EDIL3: variants seen among roughly 807,000 people sequenced by gnomAD.
The protein encoded by EDIL3 is EGF like and discoidin domains 3, also known as EGF-like repeat and discoidin I-like domain-containing protein 3.
In EDIL3, 37 loss-of-function variants were observed where a neutral mutation model predicts 67.4. The ratio of observed to expected loss-of-function variants is 0.55; its 90% CI spans 0.42 to 0.72. The LOEUF (loss-of-function observed/expected upper bound fraction) is 0.72. Ranked by LOEUF, EDIL3 falls within the 30% of genes least tolerant of loss-of-function variation. The pLI, the probability that EDIL3 is intolerant of heterozygous loss-of-function variation, is 0.00. For synonymous variants in EDIL3, 195 were observed against 196.3 expected (o/e 0.99, Z 0.05); for missense variants, 527 against 586.3 (o/e 0.90, Z 1.04).
intron 1 of EDIL3, among the ~76,000 whole-genome samples, chr5:84,371,848 AAAACAATAAATT>A (rs1390647966): frequency 2.6e-5 from 4 of 152,050 alleles, no homozygotes; most frequent in African/African-American, 9.7e-5. Flanking sequence ...ATTAACTAGC[AAAACAATAAATT>A]AAACAATAAA....
chr5:84,092,181 T>A (rs1747179618), intron 6 of EDIL3, among the ~76,000 whole-genome samples: 1 of 152,196 alleles, frequency 6.6e-6, no homozygotes, highest in Non-Finnish European at 1.5e-5. Flanking sequence ...AACCAGAGGT[T>A]CTCAATTTTG....
chr5:84,169,579 T>C (rs1441037819), intron 4 of EDIL3, among the ~76,000 whole-genome samples: 1 of 151,394 alleles, frequency 6.6e-6, no homozygotes, highest in Non-Finnish European at 1.5e-5. Context: ...ACCACTAATC[T>C]ATCCTCCATT....
chr5:84,306,556 A>C, intron 1 of EDIL3, among the ~76,000 whole-genome samples: 1 of 152,230 alleles, frequency 6.6e-6, no homozygotes, highest in Non-Finnish European at 1.5e-5. Context: ...TTTCTTGACC[A>C]ATACTGTTCA....
intron 1 of EDIL3, among the ~76,000 whole-genome samples, chr5:84,285,514 T>C (rs1171447040): frequency 6.6e-6 from 1 of 152,180 alleles, no homozygotes; most frequent in Non-Finnish European, 1.5e-5. Context: ...ATAATAGCAA[T>C]AGATATGCAA....
At chr5:84,245,340 A>G (rs969941460) in intron 2 of EDIL3, among the ~76,000 whole-genome samples, 1 of 152,188 alleles carries the variant, frequency 6.6e-6, no homozygotes, top group African/African-American at 2.4e-5. Context: ...TACAAATCAA[A>G]TAACTCCAAA....
intron 9 of EDIL3, among the ~76,000 whole-genome samples, chr5:84,057,591 C>G (rs1746471842): frequency 6.6e-6 from 1 of 151,940 alleles, no homozygotes; most frequent in Non-Finnish European, 1.5e-5. Flanking sequence ...CTGAAAACTT[C>G]AATGATGGCT....
At chr5:83,966,489 A>G (rs1744693667) in intron 9 of EDIL3, among the ~76,000 whole-genome samples, 1 of 152,050 alleles carries the variant, frequency 6.6e-6, no homozygotes, top group Admixed American at 6.6e-5. Flanking sequence ...TCAATGTGGT[A>G]TCCATCAATT....
chr5:84,075,890 GCACACA>G lies in EDIL3; in HGVS notation c.652-9290_652-9285del, dbSNP rs10530772. Among the ~76,000 whole-genome samples the G allele has an allele frequency of 8.3e-3, 1,208 of 144,944 alleles. 15 individuals carry two copies. Among genetic ancestry groups the G allele is most frequent in the African/African-American group, 0.026 (1,028 of 39,528 alleles). On this transcript the variant is annotated intron_variant, in intron 6 of 10. Transcript: ENST00000296591. ...TACAAACACGTGCAAAAGTGTGCAC[GCACACA>G]CACACACACACACACACACACAGAC... is the stretch of plus-strand genomic sequence containing the variant.
intron 9 of EDIL3, among the ~76,000 whole-genome samples, chr5:83,990,468 C>T (rs1359083000): frequency 1.4e-5 from 2 of 138,998 alleles, no homozygotes; most frequent in Admixed American, 7.5e-5. Flanking sequence ...GTCTGCCGAC[C>T]GAGTGAGACT....
intron 1 of EDIL3, among the ~76,000 whole-genome samples, chr5:84,300,556 A>G (rs554578232): frequency 1.3e-5 from 2 of 152,212 alleles, no homozygotes; most frequent in Non-Finnish European, 2.9e-5. Flanking sequence ...GATATGTTAT[A>G]TTCTCTGAAA....
intron 2 of EDIL3, among the ~76,000 whole-genome samples, chr5:84,247,744 C>T (rs919076223): frequency 5.3e-5 from 8 of 151,620 alleles, no homozygotes; most frequent in Admixed American, 4.6e-4. Flanking sequence ...ATAACTTTTC[C>T]TGAATATATA....
chr5:84,143,372 T>C (rs983224801), intron 4 of EDIL3, among the ~76,000 whole-genome samples: 2 of 152,090 alleles, frequency 1.3e-5, no homozygotes, highest in Admixed American at 6.6e-5. Flanking sequence ...CCTTTTATAA[T>C]AATTTATTGA....
intron 1 of EDIL3, among the ~76,000 whole-genome samples, chr5:84,340,534 C>CTCTCTCTCTCCATATATA (rs1432966515): frequency 1.8e-5 from 1 of 54,196 alleles, no homozygotes; most frequent in East Asian, 6.9e-4. Context: ...CTCTCTCTCT[C>CTCTCTCTCTCCATATATA]TATATATATA....
At chr5:83,974,611 C>A (rs1173204994) in intron 9 of EDIL3, among the ~76,000 whole-genome samples, 1 of 151,976 alleles carries the variant, frequency 6.6e-6, no homozygotes, top group Non-Finnish European at 1.5e-5. Flanking sequence ...GGGCAAAGAG[C>A]CTCCAGCAGA....
intron 1 of EDIL3, among the ~76,000 whole-genome samples, chr5:84,338,701 T>C (rs949751549): frequency 2.6e-5 from 4 of 152,158 alleles, no homozygotes; most frequent in African/African-American, 9.7e-5. Context: ...AGTCACATGA[T>C]AGGAGGCAGT....
chr5:84,207,131 G>A (rs1161454170), intron 3 of EDIL3, among the ~76,000 whole-genome samples: 2 of 152,196 alleles, frequency 1.3e-5, no homozygotes, highest in East Asian at 3.9e-4. Context: ...TGACATGATT[G>A]TATATCCAGA....
intron 4 of EDIL3, among the ~76,000 whole-genome samples, chr5:84,143,228 C>T (rs1042247149): frequency 2.6e-5 from 4 of 151,972 alleles, no homozygotes; most frequent in African/African-American, 7.2e-5. Context: ...ACTTCTGTGA[C>T]CAGTTTAGTA....
intron 1 of EDIL3, among the ~76,000 whole-genome samples, chr5:84,350,659 A>C (rs1033754509): frequency 6.6e-6 from 1 of 152,090 alleles, no homozygotes; most frequent in African/African-American, 2.4e-5. Context: ...CATATTATGC[A>C]ACTTTTAAAT....
intron 10 of EDIL3, among the ~76,000 whole-genome samples, chr5:83,946,641 G>A (rs1486745369): frequency 6.6e-6 from 1 of 151,700 alleles, no homozygotes; most frequent in African/African-American, 2.4e-5. Flanking sequence ...TTTATAAGAC[G>A]AGCTACCATT....
Sources: allele counts gnomAD v4.1 joint callset (sites outside exome capture counted in the v4.1 genomes callset), GRCh38; gene constraint gnomAD v4.1.1; transcripts MANE v1.5; gene names NCBI Gene and HGNC (gene_info 2026-07-23, HGNC 2026-07-21).